PRKG2: variants seen among roughly 807,000 people sequenced by gnomAD.
PRKG2 encodes the protein protein kinase cGMP-dependent 2.
Under a neutral mutation model 97.2 loss-of-function variants are expected in PRKG2, and 33 were observed. The observed-to-expected ratio is 0.34, with a 90% CI of 0.26 to 0.45. The LOEUF (loss-of-function observed/expected upper bound fraction) is 0.45, where lower values mean the gene tolerates loss of function less well. Among genes scored for constraint, PRKG2 ranks in the 20% least tolerant of loss-of-function variants. PRKG2 has a pLI of 1.00. For synonymous variants in PRKG2, 330 were observed against 321.8 expected (o/e 1.03, Z -0.27); for missense variants, 638 against 900.0 (o/e 0.71, Z 3.73).
intron 14 of PRKG2, among the ~76,000 whole-genome samples, chr4:81,112,832 T>C (rs1578359521): frequency 6.6e-6 from 1 of 152,192 alleles, no homozygotes; most frequent in Admixed American, 6.5e-5. Context: ...GCTATGTCTG[T>C]CTTGTACCAC....
chr4:81,131,397 C>A (rs951796331), intron 14 of PRKG2, among the ~76,000 whole-genome samples: 1 of 152,160 alleles, frequency 6.6e-6, no homozygotes. Flanking sequence ...GAGCTGCAGA[C>A]CAGAGCTGTT....
At chr4:81,193,550 T>C (rs1752726710) in intron 2 of PRKG2, among the ~76,000 whole-genome samples, 1 of 151,808 alleles carries the variant, frequency 6.6e-6, no homozygotes, top group African/African-American at 2.4e-5. Context: ...ATCTAAAAAC[T>C]CTATGCTGGC....
intron 6 of PRKG2, among the ~76,000 whole-genome samples, chr4:81,154,903 G>A (rs544814781): frequency 9.9e-5 from 15 of 152,214 alleles, no homozygotes; most frequent in Admixed American, 3.3e-4. Flanking sequence ...GGCCGGGCGC[G>A]GTGGCTCACG....
chr4:81,207,514 C>G (rs866490116), intron 1 of PRKG2, among the ~76,000 whole-genome samples: 1 of 152,174 alleles, frequency 6.6e-6, no homozygotes, highest in Middle Eastern at 3.4e-3. Context: ...AAATTTGACA[C>G]AGAAAACAGT....
intron 14 of PRKG2, among the ~76,000 whole-genome samples, chr4:81,134,016 A>G (rs1560566589): frequency 6.6e-6 from 1 of 152,176 alleles, no homozygotes; most frequent in Non-Finnish European, 1.5e-5. Flanking sequence ...GAAGAACAGA[A>G]GTGATTGGGG....
chr4:81,091,343 C>T (rs755804480), intron 18 of PRKG2, among the ~76,000 whole-genome samples: 1 of 151,924 alleles, frequency 6.6e-6, no homozygotes. Context: ...AGTGCAGTGG[C>T]GTGATCTCGG....
intron 14 of PRKG2, among the ~76,000 whole-genome samples, chr4:81,119,288 G>A (rs1744846933): frequency 6.6e-6 from 1 of 152,156 alleles, no homozygotes; most frequent in African/African-American, 2.4e-5. Context: ...TAATTTTCAT[G>A]AAGGGTACAT....
At chr4:81,160,224 C>A (rs1002528981) in intron 6 of PRKG2, among the ~76,000 whole-genome samples, 3 of 152,068 alleles carry the variant, frequency 2.0e-5, no homozygotes, top group African/African-American at 7.2e-5. Flanking sequence ...GTATTACACA[C>A]CTGTTTTAGC....
At chr4:81,145,905 C>T (rs1747811698) in intron 9 of PRKG2, among the ~76,000 whole-genome samples, 1 of 152,108 alleles carries the variant, frequency 6.6e-6, no homozygotes, top group Non-Finnish European at 1.5e-5. Context: ...CAACTTACTG[C>T]CTCTACCCAT....
chr4:81,150,534 G>T (rs1748288083), intron 8 of PRKG2, among the ~76,000 whole-genome samples: 1 of 152,094 alleles, frequency 6.6e-6, no homozygotes, highest in Non-Finnish European at 1.5e-5. Flanking sequence ...TTAGCTTAAT[G>T]CTTTCAAACA....
intron 9 of PRKG2, among the ~76,000 whole-genome samples, chr4:81,146,308 T>C (rs983651054): frequency 1.3e-5 from 2 of 152,192 alleles, no homozygotes; most frequent in South Asian, 4.1e-4. Context: ...AGCTACAAAA[T>C]TGTTGCTGTG....
rs139721584 is a variant in PRKG2, at chr4:81,109,722, C to T, written c.1940+726G>A. 5.5e-4 allele frequency among the ~76,000 whole-genome samples: 83 copies of T among 152,278 alleles called. No homozygotes were observed. The Middle Eastern group carries it at 0.01, about 19-fold the overall frequency. On this transcript the variant is annotated intron_variant, in intron 15 of 18. Transcript: ENST00000264399. The stretch of plus-strand genomic sequence containing the variant: ...TGTCAGAACTAAACTACATAATACA[C>T]ATGTAAGTGCTTTGTAAAATGTAAA...
chr4:81,200,731 G>T (rs1315964587), intron 2 of PRKG2, among the ~76,000 whole-genome samples: 3 of 152,054 alleles, frequency 2.0e-5, no homozygotes, highest in Non-Finnish European at 4.4e-5. Context: ...AATCTGTAAG[G>T]TTCCTATGGC....
chr4:81,119,585 T>A (rs1432035936), intron 14 of PRKG2, among the ~76,000 whole-genome samples: 2 of 152,352 alleles, frequency 1.3e-5, no homozygotes, highest in East Asian at 3.9e-4. Context: ...ACATTGGCTA[T>A]TCTGGGTCTC....
chr4:81,186,636 A>G (rs1312226431), intron 2 of PRKG2, among the ~76,000 whole-genome samples: 1 of 152,192 alleles, frequency 6.6e-6, no homozygotes, highest in Non-Finnish European at 1.5e-5. Context: ...ACAGAACTGA[A>G]GGAGAAAGAG....
intron 15 of PRKG2, among the ~76,000 whole-genome samples, chr4:81,109,923 GTC>G (rs1361534354): frequency 1.3e-5 from 2 of 152,126 alleles, no homozygotes; most frequent in African/African-American, 4.8e-5. Context: ...GCAGTGTCTT[GTC>G]TCTGTTCATT....
rs538893537 is a variant in PRKG2 at position 81,215,057 on chromosome 4, G to C, written c.-135C>G. 1 of 152,504 alleles carries C rather than the reference G, an allele frequency of 6.6e-6. No homozygotes were observed. The highest frequency in any genetic ancestry group is 2.1e-4 in the South Asian group (1 of 4,834). The allele number at this position is 152,504 out of a possible 1,614,324, so 9.4% of individuals were successfully genotyped here. A position where few individuals can be genotyped will look rare whatever the true frequency, so the allele number is the denominator to read the frequency against. On this transcript the variant is annotated 5_prime_UTR_variant, in exon 1 of 19. Transcript: ENST00000264399. ...CCTGCGGCGCCGGAGCCCAGCGCAG[G>C]TCAGCTCAGCCAGCCCCGCCGTGCA...
chr4:81,143,095 CA>C, intron 10 of PRKG2, 148 bp from the exon 11 acceptor site: 1 of 1,013,134 alleles, frequency 9.9e-7, no homozygotes, highest in Non-Finnish European at 1.4e-6. Flanking sequence ...TTTTATGGAT[CA>C]GATTCAGTCC....
intron 17 of PRKG2, among the ~76,000 whole-genome samples, chr4:81,099,660 G>C (rs1465593296): frequency 1.3e-5 from 2 of 152,084 alleles, no homozygotes; most frequent in African/African-American, 2.4e-5. Context: ...CACAAGACAG[G>C]GATGCCCTCT....
Sources: gnomAD v4.1 joint callset for allele counts (sites outside exome capture counted in the v4.1 genomes callset) on GRCh38, gnomAD v4.1.1 for gene constraint, MANE v1.5 for transcripts, NCBI Gene and HGNC (gene_info 2026-07-23, HGNC 2026-07-21) for gene names.